The following STK32A variants were observed in gnomAD, a reference collection of about 807,000 sequenced individuals.
The protein encoded by STK32A is serine/threonine-protein kinase 32A.
A neutral mutation model predicts 53.2 loss-of-function variants in STK32A; 41 were observed. The ratio of observed to expected loss-of-function variants is 0.77; its 90% CI spans 0.60 to 1.00. The LOEUF (loss-of-function observed/expected upper bound fraction) is 1.00, where lower values mean the gene tolerates loss of function less well. Ranked by LOEUF, STK32A falls within the 50% of genes least tolerant of loss-of-function variation. STK32A has a pLI of 0.00. For missense variants in STK32A, 458 were observed against 485.8 expected (o/e 0.94, Z 0.54); for synonymous variants, 166 against 162.8 (o/e 1.02, Z -0.15).
intron 2 of STK32A, among the ~76,000 whole-genome samples, chr5:147,261,331 T>C (rs6884873): frequency 6.6e-6 from 1 of 152,228 alleles, no homozygotes; most frequent in Non-Finnish European, 1.5e-5. Flanking sequence ...AAGCGCACAC[T>C]TGGACAAGGG....
At chr5:147,265,528 G>A (rs1290827430) in intron 2 of STK32A, among the ~76,000 whole-genome samples, 2 of 152,148 alleles carry the variant, frequency 1.3e-5, no homozygotes, top group Non-Finnish European at 1.5e-5. Flanking sequence ...ATAAAATAAA[G>A]TTACAAAAAT....
intron 2 of STK32A, among the ~76,000 whole-genome samples, chr5:147,249,439 T>G (rs773259078): frequency 2.0e-5 from 3 of 152,200 alleles, no homozygotes; most frequent in African/African-American, 7.2e-5. Flanking sequence ...ATGCCTTTAC[T>G]TGGCAAATAA....
At chr5:147,291,659 CTTG>C (rs1439550818) in intron 4 of STK32A, among the ~76,000 whole-genome samples, 1 of 151,980 alleles carries the variant, frequency 6.6e-6, no homozygotes, top group African/African-American at 2.4e-5. Flanking sequence ...TTCTTAGAGA[CTTG>C]TTGTAGCAGG....
intron 2 of STK32A, among the ~76,000 whole-genome samples, chr5:147,257,921 C>T (rs1490935123): frequency 6.6e-6 from 1 of 151,924 alleles, no homozygotes; most frequent in African/African-American, 2.4e-5. Flanking sequence ...GTCCTTGGTG[C>T]CTTTTTACTG....
chr5:147,312,400 G>C (rs764012744), intron 4 of STK32A, among the ~76,000 whole-genome samples: 3 of 152,164 alleles, frequency 2.0e-5, no homozygotes, highest in African/African-American at 4.8e-5. Context: ...CACTGCCCCC[G>C]GCCTGAACAC....
At chr5:147,395,713 G>A in the STK32A span, 1 of 1,613,820 alleles carries the variant, frequency 6.2e-7, no homozygotes, top group Non-Finnish European at 8.5e-7. Context: ...CGGCATGCAG[G>A]TCTGCCATCT....
intron 2 of STK32A, among the ~76,000 whole-genome samples, chr5:147,260,953 C>T (rs1754537240): frequency 1.3e-5 from 2 of 152,230 alleles, no homozygotes; most frequent in South Asian, 2.1e-4. Flanking sequence ...CCGGCTGCCG[C>T]GGCTTCTCCT....
the STK32A span, chr5:147,401,823 G>A: frequency 1.8e-6 from 2 of 1,134,656 alleles, no homozygotes; most frequent in Non-Finnish European, 2.4e-6. Context: ...CTGGGTTCAA[G>A]TCCATGTTCC....
chr5:147,362,635 C>T (rs1469886754), intron 8 of STK32A, among the ~76,000 whole-genome samples: 2 of 152,224 alleles, frequency 1.3e-5, no homozygotes, highest in Non-Finnish European at 2.9e-5. Flanking sequence ...AAAATACATA[C>T]ATTCAACAGT....
chr5:147,378,612 A>G (rs1371142641), intron 11 of STK32A, among the ~76,000 whole-genome samples: 2 of 152,018 alleles, frequency 1.3e-5, no homozygotes, highest in Non-Finnish European at 2.9e-5. Flanking sequence ...AGCCAAATTC[A>G]TCACTGTTTA....
chr5:147,310,759 T>C (rs1413031052), intron 4 of STK32A, among the ~76,000 whole-genome samples: 1 of 150,996 alleles, frequency 6.6e-6, no homozygotes, highest in East Asian at 1.9e-4. Flanking sequence ...CCGTCTTGGC[T>C]TGCCCTTTTA....
intron 4 of STK32A, among the ~76,000 whole-genome samples, chr5:147,314,447 G>A (rs1386222431): frequency 6.7e-6 from 1 of 148,832 alleles, no homozygotes. Context: ...GCAGGGCGTG[G>A]AGATTGTGCC....
intron 5 of STK32A, among the ~76,000 whole-genome samples, chr5:147,327,386 A>G (rs1754652008): frequency 6.6e-6 from 1 of 152,236 alleles, no homozygotes; most frequent in Non-Finnish European, 1.5e-5. Context: ...CTGAGTTCCT[A>G]GAAATTAAAA....
In STK32A at chr5:147,239,557, G is replaced by T; in HGVS notation, c.-78G>T. The T allele has an allele frequency of 8.8e-7, 1 of 1,139,836 alleles. No homozygotes were observed. 70.6% of individuals were successfully genotyped at this position (1,139,836 alleles called of 1,614,324 possible). On this transcript the variant is annotated 5_prime_UTR_variant, in exon 2 of 13. Transcript: ENST00000397936. ...ATCCTAGATATCCAACTAAGGCTTC[G>T]GGACATGTTTTGAGCGAAGATGGGT...
chr5:147,294,564 T>C (rs771478293), intron 4 of STK32A, among the ~76,000 whole-genome samples: 11 of 152,232 alleles, frequency 7.2e-5, no homozygotes, highest in Non-Finnish European at 1.3e-4. Flanking sequence ...CAATGCTCTC[T>C]TTCATGCAAA....
At chr5:147,338,023 G>A (rs904905338) in intron 5 of STK32A, among the ~76,000 whole-genome samples, 2 of 152,182 alleles carry the variant, frequency 1.3e-5, no homozygotes, top group African/African-American at 4.8e-5. Flanking sequence ...GAGCATTCAT[G>A]TAGACACTGA....
At chr5:147,288,267 CT>C (rs1430467820) in intron 4 of STK32A, among the ~76,000 whole-genome samples, 1 of 152,146 alleles carries the variant, frequency 6.6e-6, no homozygotes, top group Non-Finnish European at 1.5e-5. Flanking sequence ...CAGCAACTCC[CT>C]TTGTCTTCCA....
chr5:147,383,705 AGTTTTT>A (rs1757543578), intron 12 of STK32A, among the ~76,000 whole-genome samples, 179 bp from the exon 13 acceptor site: 1 of 152,214 alleles, frequency 6.6e-6, no homozygotes, highest in Admixed American at 6.5e-5. Context: ...CCTAGCATCA[AGTTTTT>A]GTTTGTGAGA....
At chr5:147,278,291 A>C in intron 3 of STK32A, 112 bp downstream of exon 3, 1 of 881,904 alleles carries the variant, frequency 1.1e-6, no homozygotes, top group Non-Finnish European at 1.7e-6. Context: ...AAAGATAATT[A>C]AGTGAAAATG....
Sources: allele counts gnomAD v4.1 joint callset (sites outside exome capture counted in the v4.1 genomes callset), GRCh38; gene constraint gnomAD v4.1.1; transcripts MANE v1.5; gene names NCBI Gene and HGNC (gene_info 2026-07-23, HGNC 2026-07-21).